The following ZFHX3 variants were observed in gnomAD, a reference collection of about 807,000 sequenced individuals.
ZFHX3 encodes the protein zinc finger homeobox protein 3.
ZFHX3 carries 42 observed loss-of-function variants against 279.1 expected under a neutral mutation model. The observed-to-expected ratio is 0.15, with a 90% CI of 0.12 to 0.19. The LOEUF (loss-of-function observed/expected upper bound fraction) is 0.19, where lower values mean the gene tolerates loss of function less well. Among genes scored for constraint, ZFHX3 ranks in the 10% least tolerant of loss-of-function variants. ZFHX3 has a pLI of 1.00. For missense variants in ZFHX3, 4,981 were observed against 4,754.0 expected (o/e 1.05, Z -1.40); for synonymous variants, 2,293 against 1,957.8 (o/e 1.17, Z -4.52).
chr16:73,714,018 T>C (rs945740918), intron 1 of ZFHX3, among the ~76,000 whole-genome samples: 1 of 152,110 alleles, frequency 6.6e-6, no homozygotes, highest in Non-Finnish European at 1.5e-5. Context: ...TGATGTATGA[T>C]CCCTTCCTCA....
intron 1 of ZFHX3, among the ~76,000 whole-genome samples, chr16:73,701,789 CT>C (rs1050266828): frequency 1.8e-4 from 28 of 151,916 alleles, no homozygotes; most frequent in Admixed American, 1.8e-3. Flanking sequence ...CTGAATCCTG[CT>C]GTCTTATAAT....
intron 3 of ZFHX3, among the ~76,000 whole-genome samples, chr16:72,904,223 G>A (rs1056674373): frequency 2.6e-5 from 4 of 151,844 alleles, no homozygotes; most frequent in Admixed American, 6.6e-5. Flanking sequence ...AAAATTAGCC[G>A]GGCGTGGTGG....
chr16:73,780,444 GA>G (rs1959428595), intron 1 of ZFHX3, among the ~76,000 whole-genome samples: 1 of 150,452 alleles, frequency 6.6e-6, no homozygotes, highest in African/African-American at 2.4e-5. Context: ...CACCGTGCCT[GA>G]ACTTTTTTTT....
At chr16:73,004,427 C>T (rs1189853799) in intron 1 of ZFHX3, among the ~76,000 whole-genome samples, 1 of 137,082 alleles carries the variant, frequency 7.3e-6, no homozygotes, top group African/African-American at 2.7e-5. Flanking sequence ...CTTTTGGTTT[C>T]AAGCCATTCT....
intron 2 of ZFHX3, among the ~76,000 whole-genome samples, chr16:73,542,716 C>A (rs1435395213): frequency 6.6e-6 from 1 of 152,040 alleles, no homozygotes; most frequent in Non-Finnish European, 1.5e-5. Flanking sequence ...TTTAGATAAA[C>A]AATGCACAAT....
chr16:73,320,312 AAC>A (rs1446972626), intron 3 of ZFHX3, among the ~76,000 whole-genome samples: 2 of 152,250 alleles, frequency 1.3e-5, no homozygotes, highest in African/African-American at 4.8e-5. Flanking sequence ...TAGAAAACAC[AAC>A]AGTGAACAAA....
At chr16:73,709,395 A>G (rs980082380) in intron 1 of ZFHX3, among the ~76,000 whole-genome samples, 2 of 152,070 alleles carry the variant, frequency 1.3e-5, no homozygotes, top group African/African-American at 4.8e-5. Flanking sequence ...TTAAAAAAAA[A>G]GAAAAGAAAA....
At chr16:73,865,969 A>G (rs1159560930) in intron 1 of ZFHX3, among the ~76,000 whole-genome samples, 1 of 152,080 alleles carries the variant, frequency 6.6e-6, no homozygotes, top group African/African-American at 2.4e-5. Context: ...TGGGGGACAG[A>G]GCAAGACTCC....
chr16:73,761,923 G>C (rs1213484325), intron 1 of ZFHX3, among the ~76,000 whole-genome samples: 1 of 152,060 alleles, frequency 6.6e-6, no homozygotes, highest in Non-Finnish European at 1.5e-5. Context: ...ATAGGCACGG[G>C]TAAAAATTTC....
At chr16:73,359,879 A>C (rs549048832) in intron 3 of ZFHX3, among the ~76,000 whole-genome samples, 1 of 150,264 alleles carries the variant, frequency 6.7e-6, no homozygotes, top group Non-Finnish European at 1.5e-5. Flanking sequence ...GGTATTGATC[A>C]TGGGGGGTGG....
intron 1 of ZFHX3, among the ~76,000 whole-genome samples, chr16:73,739,714 C>T (rs2053638168): frequency 6.6e-6 from 1 of 152,174 alleles, no homozygotes; most frequent in African/African-American, 2.4e-5. Flanking sequence ...CCCCAGTTAT[C>T]CTGAAGGCCA....
Position 72,959,544 on chromosome 16 carries a change from G to T in ZFHX3, c.602C>A (p.Ala201Asp). 1 of 1,614,252 alleles carries T rather than the reference G, an allele frequency of 6.2e-7. No homozygotes were observed. The highest frequency in any genetic ancestry group is 8.5e-7 in the Non-Finnish European group (1 of 1,180,042). Residue 201 changes from alanine to aspartate, a missense_variant, in exon 2 of 10, where the codon GCC becomes GAC. Ala to Asp is a moderately radical substitution (Grantham distance 126, BLOSUM62 -2). Around this residue, in one of 7 missense-constraint regions of ZFHX3, gnomAD observed 1,068 missense variants for 935.2 expected, o/e 1.14. Transcript: ENST00000268489. ...YPQIINTFHI[A>D]SSFGKWFEGP... ...CTCAAACCATTTCCCGAAGGATGAG[G>T]CTATGTGGAAAGTGTTGATGATCTG...
intron 1 of ZFHX3, among the ~76,000 whole-genome samples, chr16:73,857,894 G>A (rs1265285150): frequency 6.6e-6 from 1 of 152,096 alleles, no homozygotes; most frequent in African/African-American, 2.4e-5. Flanking sequence ...ATCGCTTGAG[G>A]TCAGGAGTTT....
chr16:73,107,298 A>C (rs1424420646), intron 7 of ZFHX3, among the ~76,000 whole-genome samples: 3 of 152,164 alleles, frequency 2.0e-5, no homozygotes, highest in Admixed American at 6.5e-5. Flanking sequence ...CGACAGAGCA[A>C]GACTCTGTCT....
intron 3 of ZFHX3, among the ~76,000 whole-genome samples, chr16:73,444,978 AAAAC>A (rs1223408769): frequency 6.4e-4 from 92 of 144,508 alleles, no homozygotes; most frequent in Non-Finnish European, 7.2e-4. Flanking sequence ...AAAAAAAAAA[AAAAC>A]AAATTAGCCA....
intron 5 of ZFHX3, among the ~76,000 whole-genome samples, chr16:73,190,858 C>A (rs763773179): frequency 1.3e-5 from 2 of 151,284 alleles, no homozygotes; most frequent in Non-Finnish European, 2.9e-5. Context: ...TGAGGGACTA[C>A]AGGGCGAAGG....
chr16:73,101,570 T>A (rs1017466637), intron 7 of ZFHX3, among the ~76,000 whole-genome samples: 26 of 151,960 alleles, frequency 1.7e-4, no homozygotes, highest in Non-Finnish European at 2.6e-4. Context: ...TTAAATTTTT[T>A]TTTTTATTTT....
chr16:73,344,813 A>AAG (rs1283170132), intron 3 of ZFHX3, among the ~76,000 whole-genome samples: 1 of 152,208 alleles, frequency 6.6e-6, no homozygotes, highest in African/African-American at 2.4e-5. Context: ...AAGCTCGATG[A>AAG]AGAGTATGTC....
At position 73,730,406 on chromosome 16, in the gene ZFHX3, G is replaced by C. The variant is rs141181367; in HGVS notation, c.-1607-50166C>G. Among the ~76,000 whole-genome samples, 664 of 130,292 alleles carry C rather than the reference G, an allele frequency of 5.1e-3. 4 individuals carry two copies. The highest frequency in any genetic ancestry group is 0.019 in the African/African-American group (628 of 33,518). 85.5% of individuals were successfully genotyped at this position (130,292 alleles called of 152,430 possible). ...AGAGAGAGAAAGAAAGAAAAGAAAA[G>C]AAAAGACAAGAAAGAAAGAATCCTG... On this transcript the variant is annotated intron_variant, in intron 1 of 17. Transcript: ENST00000641206.
Sources: gnomAD v4.1 joint callset for allele counts (sites outside exome capture counted in the v4.1 genomes callset) on GRCh38, gnomAD v4.1.1 for gene constraint, gnomAD v4.1.1 regional missense constraint, MANE v1.5 for transcripts, NCBI Gene and HGNC (gene_info 2026-07-23, HGNC 2026-07-21) for gene names.